ACAD9: variants seen among roughly 807,000 people sequenced by gnomAD.
The protein encoded by ACAD9 is complex I assembly factor ACAD9, mitochondrial.
Under a neutral mutation model 70.2 loss-of-function variants are expected in ACAD9, and 53 were observed. The ratio of observed to expected loss-of-function variants is 0.75; its 90% CI spans 0.61 to 0.95. The LOEUF (loss-of-function observed/expected upper bound fraction) is 0.95, where lower values mean the gene tolerates loss of function less well. Among genes scored for constraint, ACAD9 ranks in the 40% least tolerant of loss-of-function variants. The probability of loss-of-function intolerance (pLI) is 0.00; values close to 1 mark genes in which losing one functional copy is unlikely to be tolerated. For synonymous variants in ACAD9, 313 were observed against 312.1 expected (o/e 1.00, Z -0.03); for missense variants, 777 against 802.8 (o/e 0.97, Z 0.39).
intron 1 of ACAD9, among the ~76,000 whole-genome samples, chr3:128,882,529 A>G (rs1047118980): frequency 6.6e-6 from 1 of 152,172 alleles, no homozygotes; most frequent in African/African-American, 2.4e-5. Flanking sequence ...GAGCAGAAAC[A>G]TGGGACATGA....
At position 128,906,194 on chromosome 3, in the gene ACAD9, G is replaced by C. The variant is rs863223871; in HGVS notation, c.1223G>C (p.Arg408Thr). The C allele has an allele frequency of 1.2e-6, 2 of 1,614,220 alleles. No individual in the cohort carries two copies. Among genetic ancestry groups the C allele is most frequent in the Non-Finnish European group, 1.7e-6 (2 of 1,180,036 alleles). ...ATCCTCGGGGGCTTGGGCTACACAA[G>C]GGACTATCCGTACGAGCGCATACTG... Reference protein sequence around the residue: ...LQILGGLGYTRDYPYERILRD... With the variant: ...LQILGGLGYTTDYPYERILRD... Residue 408 changes from arginine to threonine, a missense_variant, in exon 12 of 18, where the codon AGG becomes ACG. Transcript: ENST00000308982.
intron 17 of ACAD9, among the ~76,000 whole-genome samples, chr3:128,911,093 G>C (rs1936255928): frequency 6.6e-6 from 1 of 152,206 alleles, no homozygotes; most frequent in African/African-American, 2.4e-5. Context: ...TTTCGCTCTT[G>C]TTGCCCAAGC....
intron 1 of ACAD9, chr3:128,880,072 G>C: frequency 6.7e-7 from 1 of 1,489,026 alleles, no homozygotes; most frequent in Non-Finnish European, 9.0e-7. Flanking sequence ...ACGTGTTCCA[G>C]CTAAATTTTG....
chr3:128,908,400 C>A, intron 13 of ACAD9, 136 bp downstream of exon 13: 1 of 1,083,392 alleles, frequency 9.2e-7, no homozygotes, highest in Admixed American at 1.8e-5. Context: ...GTGGAGGGGA[C>A]CTTCCCCTGT....
intron 2 of ACAD9, among the ~76,000 whole-genome samples, chr3:128,892,478 T>G (rs1392004498): frequency 6.6e-6 from 1 of 152,230 alleles, no homozygotes; most frequent in Non-Finnish European, 1.5e-5. Context: ...TACAAAAGTG[T>G]GCAATTATAG....
intron 1 of ACAD9, among the ~76,000 whole-genome samples, chr3:128,883,748 G>A (rs1935164080): frequency 6.6e-6 from 1 of 152,054 alleles, no homozygotes; most frequent in Admixed American, 6.6e-5. Flanking sequence ...CTTTTAGTTA[G>A]GGACTCACCT....
In ACAD9 at chr3:128,909,034, TC is replaced by T; in HGVS notation, c.1423del (p.Leu475TrpfsTer9). The stretch of plus-strand genomic sequence containing the variant: ...TACCGTTGGCCGGAGGCTTCGGGAC[TC>T]CCTGGGCCGAACTGTGGACCTGGGG... ...MDTVGRRLRD[S>X]LGRTVDLGLT... On this transcript the variant is annotated frameshift_variant, in exon 14 of 18. Coordinates refer to ENST00000308982, the MANE Select transcript of ACAD9 (RefSeq NM_014049.5). LOFTEE classifies it high-confidence loss of function. The T allele has an allele frequency of 6.2e-7, 1 of 1,614,164 alleles. No individual in the cohort carries two copies. Among genetic ancestry groups the T allele is most frequent in the Non-Finnish European group, 8.5e-7 (1 of 1,180,028 alleles).
chr3:128,909,469 G>A (rs1232173944), intron 15 of ACAD9, 48 bp downstream of exon 15: 2 of 1,584,886 alleles, frequency 1.3e-6, no homozygotes, highest in East Asian at 2.2e-5. Context: ...CTCCAATTTG[G>A]CCAGCATTCA....
Position 128,912,823 on chromosome 3 carries a change from T to C in ACAD9, c.*216T>C. On this transcript the variant is annotated 3_prime_UTR_variant, in exon 18 of 18. Coordinates refer to ENST00000308982, the MANE Select transcript of ACAD9 (RefSeq NM_014049.5). ...AACAGGACCATCACAGCTTCTGAAC[T>C]GAGCCGGAGAGAGAGAATGGAATTG... 1.4e-6 allele frequency: 1 copy of C among 705,720 alleles called. No individual in the cohort carries two copies. The highest frequency in any genetic ancestry group is 1.4e-5 in the South Asian group (1 of 73,202). The allele number at this position is 705,720 out of a possible 1,614,324, so 43.7% of individuals were successfully genotyped here.
intron 12 of ACAD9, among the ~76,000 whole-genome samples, chr3:128,906,993 T>C (rs1935911244): frequency 6.6e-6 from 1 of 152,050 alleles, no homozygotes; most frequent in African/African-American, 2.4e-5. Flanking sequence ...GGGGCTCATG[T>C]GGAGAGTGAG....
chr3:128,895,171 C>T, intron 3 of ACAD9, 139 bp from the exon 4 acceptor site: 2 of 736,652 alleles, frequency 2.7e-6, no homozygotes, highest in Non-Finnish European at 4.7e-6. Flanking sequence ...GCCACCATGC[C>T]CGGCCTGTAT....
At chr3:128,911,213 C>T (rs1017438287) in intron 17 of ACAD9, among the ~76,000 whole-genome samples, 1 of 152,070 alleles carries the variant, frequency 6.6e-6, no homozygotes, top group East Asian at 1.9e-4. Flanking sequence ...CACGCCACCA[C>T]GCCCGGCTAA....
intron 1 of ACAD9, among the ~76,000 whole-genome samples, chr3:128,881,931 T>C (rs1935107276): frequency 6.6e-6 from 1 of 152,194 alleles, no homozygotes; most frequent in African/African-American, 2.4e-5. Flanking sequence ...GGTGACCTTA[T>C]TTAGTGTCCT....
chr3:128,904,328 A>G, intron 10 of ACAD9, 58 bp from the exon 11 acceptor site: 2 of 1,613,978 alleles, frequency 1.2e-6, no homozygotes, highest in East Asian at 2.2e-5. Context: ...CTCCTGTTTC[A>G]CAGATTTGGC....
chr3:128,883,776 G>A (rs1935164985), intron 1 of ACAD9, among the ~76,000 whole-genome samples: 2 of 152,130 alleles, frequency 1.3e-5, no homozygotes, highest in Non-Finnish European at 2.9e-5. Context: ...TGTGGTCCTG[G>A]GCCCAGAGAG....
At position 128,902,532 on chromosome 3, in the gene ACAD9, C is replaced by T. The variant is rs1481017497; in HGVS notation, c.883-21C>T. 3.1e-6 allele frequency: 5 copies of T among 1,613,842 alleles called. No homozygotes were observed. The East Asian group carries it at 1.1e-4, about 36-fold the overall frequency. On this transcript the variant is annotated intron_variant, in intron 8 of 17. Coordinates refer to ENST00000308982, the MANE Select transcript of ACAD9 (RefSeq NM_014049.5). This position sits in a 1 kb window ranked among gnomAD's most constrained non-coding sequence, Gnocchi z 4.0. ...CTCTGCCTCCTTCAGGGCCCCTGGGCTCTCCCTGTTCTCCCTGCAGGTGGC... is the reference window on the plus strand; with the variant it reads ...CTCTGCCTCCTTCAGGGCCCCTGGGTTCTCCCTGTTCTCCCTGCAGGTGGC...
Position 128,907,902 on chromosome 3 carries a change from T to G in ACAD9, c.1279-283T>G, listed in dbSNP as rs912063961. On this transcript the variant is annotated intron_variant, in intron 12 of 17. Transcript: ENST00000308982. ...CACCCGGGGAAAGCTGGTTTCCATT[T>G]TACAGAGGACCTGGAGACTTGGAGA... Among the ~76,000 whole-genome samples the G allele has an allele frequency of 1.2e-4, 19 of 152,214 alleles. 1 individual carries two copies. The highest frequency in any genetic ancestry group is 4.6e-4 in the Admixed American group (7 of 15,286).
At position 128,912,993 on chromosome 3, in the gene ACAD9, C is replaced by G. The variant is rs1480959563; in HGVS notation, c.*386C>G. On this transcript the variant is annotated 3_prime_UTR_variant, in exon 18 of 18. Transcript: ENST00000308982. ...CCATTTCTGCTCAACCACACATTCTCTAAGAAACAGCTTGAAAGCTCTGTC... is the reference window on the plus strand; with the variant it reads ...CCATTTCTGCTCAACCACACATTCTGTAAGAAACAGCTTGAAAGCTCTGTC... The G allele has an allele frequency of 4.3e-6, 2 of 464,970 alleles. No individual in the cohort carries two copies. The highest frequency in any genetic ancestry group is 3.1e-5 in the South Asian group (2 of 64,700). The allele number at this position is 464,970 out of a possible 1,614,324, so 28.8% of individuals were successfully genotyped here.
At chr3:128,884,320 A>G (rs1238982818) in intron 1 of ACAD9, among the ~76,000 whole-genome samples, 1 of 152,192 alleles carries the variant, frequency 6.6e-6, no homozygotes, top group Non-Finnish European at 1.5e-5. Context: ...TAAGCCTGAA[A>G]TCAAGGACCA....
Sources: allele counts gnomAD v4.1 joint callset (sites outside exome capture counted in the v4.1 genomes callset), GRCh38; gene constraint gnomAD v4.1.1; non-coding constraint Gnocchi (gnomAD v3.1); transcripts MANE v1.5; gene names NCBI Gene and HGNC (gene_info 2026-07-23, HGNC 2026-07-21).